Variants in WDR27 observed in about 807,000 individuals in gnomAD.
The protein encoded by WDR27 is WD repeat domain 27.
Under a neutral mutation model 114.4 loss-of-function variants are expected in WDR27, and 100 were observed. The observed-to-expected ratio is 0.87, with a 90% CI of 0.74 to 1.03. The LOEUF is 1.03. WDR27 is among the 50% of genes least tolerant of loss of function. The probability of loss-of-function intolerance (pLI) is 0.00; values close to 1 mark genes in which losing one functional copy is unlikely to be tolerated. For synonymous variants in WDR27, 449 were observed against 423.1 expected (o/e 1.06, Z -0.75); for missense variants, 1,129 against 1,092.9 (o/e 1.03, Z -0.47).
At chr6:169,675,267 G>C (rs1779796673) in intron 2 of WDR27, among the ~76,000 whole-genome samples, 1 of 152,000 alleles carries the variant, frequency 6.6e-6, no homozygotes. Context: ...CATGAGATCT[G>C]ATCATTTAAA....
intron 16 of WDR27, among the ~76,000 whole-genome samples, chr6:169,644,603 AG>A (rs1820049064): frequency 6.7e-6 from 1 of 150,316 alleles, no homozygotes; most frequent in African/African-American, 2.4e-5. Flanking sequence ...GGAAAACCCT[AG>A]TTCACAGGAG....
Position 169,551,745 on chromosome 6 carries a change from A to G in WDR27, c.2645+20674T>C, listed in dbSNP as rs1407350268. Among the ~76,000 whole-genome samples, 7 of 142,266 alleles carry G rather than the reference A, an allele frequency of 4.9e-5. No individual in the cohort carries two copies. The East Asian group carries it at 1.5e-3, about 30-fold the overall frequency. 93.3% of individuals were successfully genotyped at this position (142,266 alleles called of 152,430 possible). On this transcript the variant is annotated intron_variant, in intron 25 of 25. Transcript: ENST00000448612. ...AGAGCGAGACTCCATCTCAAAAAAA[A>G]AAAAAAAAAAGAAAAAGAAAAGAAA...
intron 25 of WDR27, among the ~76,000 whole-genome samples, chr6:169,488,925 A>C (rs1051248572): frequency 3.3e-5 from 5 of 150,906 alleles, no homozygotes; most frequent in Admixed American, 6.6e-5. Context: ...GGTGGGCGTC[A>C]AATGGCACAT....
At chr6:169,433,150 A>C in the WDR27 span, among the ~76,000 whole-genome samples, 2 of 151,926 alleles carry the variant, frequency 1.3e-5, no homozygotes, top group South Asian at 2.1e-4. Flanking sequence ...TGTTACATAG[A>C]TATACATGTG....
At chr6:169,692,655 C>G (rs563616830) in intron 1 of WDR27, among the ~76,000 whole-genome samples, 1 of 152,280 alleles carries the variant, frequency 6.6e-6, no homozygotes, top group South Asian at 2.1e-4. Context: ...CCTTTCACTA[C>G]CGGCTTTCCC....
At chr6:169,487,011 A>G (rs1237163962) in intron 25 of WDR27, among the ~76,000 whole-genome samples, 2 of 152,184 alleles carry the variant, frequency 1.3e-5, no homozygotes, top group African/African-American at 4.8e-5. Flanking sequence ...ACTGGAGGGC[A>G]GCACAGCAAT....
intron 23 of WDR27, among the ~76,000 whole-genome samples, chr6:169,598,011 C>T (rs529718087): frequency 1.3e-5 from 2 of 151,504 alleles, no homozygotes; most frequent in South Asian, 2.1e-4. Context: ...AAAGTACCTA[C>T]AGAATGTGAG....
intron 24 of WDR27, among the ~76,000 whole-genome samples, chr6:169,577,347 T>TGCGG (rs1802554150): frequency 7.9e-6 from 1 of 126,078 alleles, no homozygotes; most frequent in Admixed American, 7.7e-5. Context: ...CGCCCCCCGA[T>TGCGG]GTCCACACCA....
Position 169,634,416 on chromosome 6 carries a change from G to C in WDR27, c.2101+12C>G. The C allele has an allele frequency of 6.2e-7, 1 of 1,601,168 alleles. No homozygotes were observed. Among genetic ancestry groups the C allele is most frequent in the Non-Finnish European group, 8.5e-7 (1 of 1,170,912 alleles). ...GGCGTAAAACCCTACCAGGATCCGG[G>C]AGAAAGGATACGGGAATAAAAGTCG... is the stretch of plus-strand genomic sequence containing the variant. On this transcript the variant is annotated intron_variant, in intron 20 of 25. Transcript: ENST00000448612.
chr6:169,560,723 A>G (rs1799566162), intron 25 of WDR27, among the ~76,000 whole-genome samples: 2 of 152,220 alleles, frequency 1.3e-5, no homozygotes, highest in Non-Finnish European at 2.9e-5. Context: ...GTTTTTATAT[A>G]TTACATATTT....
intron 25 of WDR27, among the ~76,000 whole-genome samples, chr6:169,461,246 G>T (rs867386483): frequency 1.3e-5 from 2 of 152,046 alleles, no homozygotes; most frequent in South Asian, 2.1e-4. Context: ...AGGACATAGA[G>T]AATTTACACA....
At chr6:169,615,088 C>T (rs1056807545) in intron 21 of WDR27, among the ~76,000 whole-genome samples, 10 of 151,104 alleles carry the variant, frequency 6.6e-5, no homozygotes, top group East Asian at 5.8e-4. Context: ...AAGTAGAAAG[C>T]GAAGAAATAA....
At chr6:169,645,021 AAT>A (rs1820194378) in intron 16 of WDR27, among the ~76,000 whole-genome samples, 1 of 63,902 alleles carries the variant, frequency 1.6e-5, no homozygotes, top group African/African-American at 1.3e-4. Flanking sequence ...AAAAAAAAAA[AAT>A]AAAAAAAAAA....
chr6:169,485,451 T>C (rs949780337), intron 25 of WDR27, among the ~76,000 whole-genome samples: 1 of 151,970 alleles, frequency 6.6e-6, no homozygotes, highest in Non-Finnish European at 1.5e-5. Flanking sequence ...CAAATCAAGA[T>C]CACAATGAGA....
chr6:169,470,009 T>C (rs1444382083), intron 25 of WDR27, among the ~76,000 whole-genome samples: 1 of 152,236 alleles, frequency 6.6e-6, no homozygotes, highest in Non-Finnish European at 1.5e-5. Flanking sequence ...AACCATGCCA[T>C]TCCTTCAATT....
At chr6:169,597,805 A>G (rs1262979027) in intron 23 of WDR27, among the ~76,000 whole-genome samples, 1 of 151,714 alleles carries the variant, frequency 6.6e-6, no homozygotes, top group Non-Finnish European at 1.5e-5. Context: ...TCAAGTTTTT[A>G]TCTCTACATC....
At chr6:169,579,060 C>T (rs9295009) in intron 24 of WDR27, among the ~76,000 whole-genome samples, 73,414 of 152,040 alleles carry the variant, frequency 0.48, 21,525 homozygotes, top group Non-Finnish European at 0.67. Context: ...AAGACCGTCG[C>T]AGGCTTGGTG....
At chr6:169,591,034 C>G (rs1805654490) in intron 23 of WDR27, among the ~76,000 whole-genome samples, 1 of 152,196 alleles carries the variant, frequency 6.6e-6, no homozygotes, top group Non-Finnish European at 1.5e-5. Flanking sequence ...GTGGATTCTA[C>G]TTTTTGCTCT....
chr6:169,509,143 T>C (rs960485628), intron 25 of WDR27, among the ~76,000 whole-genome samples: 1 of 152,134 alleles, frequency 6.6e-6, no homozygotes, highest in South Asian at 2.1e-4. Context: ...TACAAACAAA[T>C]GGAAGAACAT....
Sources: gnomAD v4.1 joint callset for allele counts (sites outside exome capture counted in the v4.1 genomes callset) on GRCh38, gnomAD v4.1.1 for gene constraint, MANE v1.5 for transcripts, NCBI Gene and HGNC (gene_info 2026-07-23, HGNC 2026-07-21) for gene names.